CLIC2: variants seen among roughly 807,000 people sequenced by gnomAD.
The protein encoded by CLIC2 is chloride intracellular channel protein 2.
CLIC2 carries 9 observed loss-of-function variants against 14.8 expected under a neutral mutation model. The ratio of observed to expected loss-of-function variants is 0.61; its 90% CI spans 0.37 to 1.06. The LOEUF (loss-of-function observed/expected upper bound fraction) is 1.06. Ranked by LOEUF, CLIC2 falls within the 50% of genes least tolerant of loss-of-function variation. The pLI is 0.01. For synonymous variants in CLIC2, 61 were observed against 66.3 expected (o/e 0.92, Z 0.39); for missense variants, 148 against 181.4 (o/e 0.82, Z 1.06).
chrX:155,293,223 A>C (rs1252294027), intron 3 of CLIC2: 17 of 877,977 alleles, frequency 1.9e-5, no homozygotes, highest in Non-Finnish European at 2.9e-5. Context: ...GAAGACAGAA[A>C]TCAAAAGACA....
At chrX:155,279,812 T>C in intron 4 of CLIC2, 150 bp downstream of exon 4, 1 of 458,097 alleles carries the variant, frequency 2.2e-6, no homozygotes, top group Non-Finnish European at 3.9e-6. Flanking sequence ...TACAACTTCA[T>C]GCGAGGGAAT....
At position 155,277,747 on chromosome X, in the gene CLIC2, T is replaced by C; in HGVS notation, c.*156A>G. 2.1e-6 allele frequency: 1 copy of C among 481,575 alleles called. No individual in the cohort carries two copies. The allele number at this position is 481,575 out of a possible 1,213,427, so 39.7% of individuals were successfully genotyped here. A position where few individuals can be genotyped will look rare whatever the true frequency, so the allele number is the denominator to read the frequency against. The stretch of plus-strand genomic sequence containing the variant: ...AGACCTGTAAAATACAGTGGACAGA[T>C]TATTTATGGCTAATAGAAAATACAG... On this transcript the variant is annotated 3_prime_UTR_variant, in exon 6 of 6. Coordinates refer to ENST00000369449, the MANE Select transcript of CLIC2 (RefSeq NM_001289.6).
At chrX:155,323,945 T>C (rs782421207) in intron 1 of CLIC2, among the ~76,000 whole-genome samples, 32 of 111,743 alleles carry the variant, frequency 2.9e-4, no homozygotes, top group Non-Finnish European at 4.9e-4. Context: ...GAGAATAAAA[T>C]ACCTAGAAAT....
intron 1 of CLIC2, among the ~76,000 whole-genome samples, chrX:155,326,688 T>C (rs781962738): frequency 1.2e-3 from 137 of 111,573 alleles, no homozygotes; most frequent in Non-Finnish European, 1.9e-3. Flanking sequence ...CAAAATGTCC[T>C]TCAACAGCTG....
intron 3 of CLIC2, chrX:155,291,410 G>C: frequency 1.9e-6 from 1 of 518,901 alleles, no homozygotes; most frequent in East Asian, 3.5e-5. Flanking sequence ...CTCCGATGCT[G>C]AGTGCAGCCG....
At chrX:155,303,024 T>G (rs1225561152) in intron 1 of CLIC2, among the ~76,000 whole-genome samples, 9 of 90,292 alleles carry the variant, frequency 1.0e-4, no homozygotes, top group Admixed American at 3.9e-4. Context: ...TTGGAATAGG[T>G]GTGGTGTGGT....
At chrX:155,315,210 T>C (rs1419607033) in intron 1 of CLIC2, among the ~76,000 whole-genome samples, 5 of 112,006 alleles carry the variant, frequency 4.5e-5, no homozygotes, top group African/African-American at 1.6e-4. Flanking sequence ...AAGGAAAACT[T>C]CTCCAGCCTT....
chrX:155,305,282 C>G (rs1016736487), intron 1 of CLIC2, among the ~76,000 whole-genome samples: 1 of 112,120 alleles, frequency 8.9e-6, no homozygotes, highest in African/African-American at 3.2e-5. Flanking sequence ...TGTGGTGCGC[C>G]GTTTTTTAAG....
chrX:155,281,870 TCTACAAGGAC>T (rs1557316533), intron 3 of CLIC2, among the ~76,000 whole-genome samples: 5 of 111,232 alleles, frequency 4.5e-5, no homozygotes, highest in Non-Finnish European at 9.4e-5. Flanking sequence ...CTCATAGTGG[TCTACAAGGAC>T]CCACATGATA....
At chrX:155,320,826 G>C (rs1461111836) in intron 1 of CLIC2, among the ~76,000 whole-genome samples, 2 of 111,445 alleles carry the variant, frequency 1.8e-5, no homozygotes, top group Non-Finnish European at 3.8e-5. Context: ...AAAAAGGTTA[G>C]GCAAATTGCT....
rs782356067 is a variant in CLIC2, at chrX:155,312,788, C to CT, written c.58-13644dup. ...GCCATTTTAATGATATTTATTTTTC[C>CT]TATCCATGAACATGGAATGTTTTTC... On this transcript the variant is annotated intron_variant, in intron 1 of 5. Transcript: ENST00000369449. Among the ~76,000 whole-genome samples the CT allele has an allele frequency of 2.0e-3, 227 of 111,432 alleles. 1 individual carries two copies. Among genetic ancestry groups the CT allele is most frequent in the Admixed American group, 5.4e-3 (57 of 10,493 alleles).
At chrX:155,283,334 T>G (rs782507259) in intron 3 of CLIC2, among the ~76,000 whole-genome samples, 5 of 112,369 alleles carry the variant, frequency 4.4e-5, no homozygotes, top group Non-Finnish European at 9.4e-5. Context: ...TTTTTCTTTT[T>G]GTTGTTGTTG....
At chrX:155,283,555 C>T (rs1428180761) in intron 3 of CLIC2, among the ~76,000 whole-genome samples, 1 of 111,332 alleles carries the variant, frequency 9.0e-6, no homozygotes, top group Admixed American at 9.5e-5. Context: ...AATGCTATCC[C>T]TCCCCACCCC....
chrX:155,283,656 G>T (rs782034725), intron 3 of CLIC2, among the ~76,000 whole-genome samples: 9 of 109,384 alleles, frequency 8.2e-5, no homozygotes, highest in African/African-American at 3.0e-4. Context: ...GCGGTGTTTG[G>T]TTTTTTGTCC....
chrX:155,309,548 TA>T, intron 1 of CLIC2: 1 of 281,504 alleles, frequency 3.6e-6, no homozygotes, highest in South Asian at 3.5e-5. Flanking sequence ...AAAATAAAAA[TA>T]AAAAGAGGTT....
chrX:155,298,841 C>T lies in CLIC2; in HGVS notation c.237G>A (p.Leu79=). 8.3e-7 allele frequency: 1 copy of T among 1,208,999 alleles called. No homozygotes were observed. The highest frequency in any genetic ancestry group is 2.2e-5 in the Admixed American group (1 of 46,026). The stretch of plus-strand genomic sequence containing the variant: ...CCTCAATTTTAATGAAGTCTGTTTT[C>T]AACTCCTTGTTATACACCAGGAACG... ...NPPFLVYNKE[L]KTDFIKIEEF... The change falls in exon 3 of 6, where the codon TTG becomes TTA. Residue 79 remains leucine, a synonymous_variant. Transcript: ENST00000369449.
intron 3 of CLIC2, among the ~76,000 whole-genome samples, chrX:155,285,799 GA>G (rs1181136539): frequency 9.1e-6 from 1 of 109,315 alleles, no homozygotes; most frequent in Admixed American, 9.7e-5. Context: ...TTTCTTATGT[GA>G]GAAAAATAAA....
intron 1 of CLIC2, among the ~76,000 whole-genome samples, chrX:155,303,627 TGTTA>T: frequency 8.2e-5 from 1 of 12,259 alleles, no homozygotes; most frequent in Non-Finnish European, 2.9e-4. Flanking sequence ...GTCATTATGA[TGTTA>T]GCTGGTTATT....
chrX:155,286,089 T>C (rs2074941777), intron 3 of CLIC2, among the ~76,000 whole-genome samples: 1 of 112,103 alleles, frequency 8.9e-6, no homozygotes, highest in Non-Finnish European at 1.9e-5. Context: ...GGTATTAAGC[T>C]CAGTACCCAG....
Sources: gnomAD v4.1 joint callset for allele counts (sites outside exome capture counted in the v4.1 genomes callset) on GRCh38, gnomAD v4.1.1 for gene constraint, MANE v1.5 for transcripts, NCBI Gene and HGNC (gene_info 2026-07-23, HGNC 2026-07-21) for gene names.